NCAM2: variants seen among roughly 807,000 people sequenced by gnomAD.
The protein encoded by NCAM2 is N-CAM-2.
Under a neutral mutation model 98.1 loss-of-function variants are expected in NCAM2, and 30 were observed. The observed-to-expected ratio is 0.31, with a 90% CI of 0.23 to 0.41. The LOEUF is 0.41. NCAM2 is among the 10% of genes least tolerant of loss of function. The pLI, the probability that NCAM2 is intolerant of heterozygous loss-of-function variation, is 1.00. For synonymous variants in NCAM2, 368 were observed against 342.4 expected (o/e 1.07, Z -0.83); for missense variants, 867 against 1,005.8 (o/e 0.86, Z 1.87).
chr21:21,347,362 T>C (rs925434344), intron 8 of NCAM2, among the ~76,000 whole-genome samples: 1 of 152,044 alleles, frequency 6.6e-6, no homozygotes, highest in Middle Eastern at 3.4e-3. Flanking sequence ...TAGCCAAAGC[T>C]GTCCTAAGCA....
In NCAM2 at chr21:21,111,861, C is replaced by T. The variant is rs143675811; in HGVS notation, c.55+113243C>T. On this transcript the variant is annotated intron_variant, in intron 1 of 17. Coordinates refer to ENST00000400546, the MANE Select transcript of NCAM2 (RefSeq NM_004540.5). ...AGCTCAAATGGACAAGGGAGAATTT[C>T]TATCCTCTCATTGGTCTGTGAATTT... 1.5e-3 allele frequency among the ~76,000 whole-genome samples: 230 copies of T among 152,146 alleles called. 1 individual carries two copies. In the South Asian group the frequency reaches 0.02, roughly 13 times the overall value.
At position 21,022,302 on chromosome 21, in the gene NCAM2, A is replaced by C. The variant is rs148474811; in HGVS notation, c.55+23684A>C. ...TTATTGGAAACTTAATGAAGAATAT[A>C]TACAACACTTTCCTTCTCAATACTT... On this transcript the variant is annotated intron_variant, in intron 1 of 17. Transcript: ENST00000400546. Among the ~76,000 whole-genome samples the C allele has an allele frequency of 3.0e-3, 461 of 152,248 alleles. 1 individual carries two copies. The highest frequency in any genetic ancestry group is 0.011 in the African/African-American group (442 of 41,588).
chr21:21,203,574 G>C (rs530343236), intron 1 of NCAM2, among the ~76,000 whole-genome samples: 2 of 152,222 alleles, frequency 1.3e-5, no homozygotes, highest in South Asian at 2.1e-4. Flanking sequence ...TACAAATTTT[G>C]TATCATTCAT....
At chr21:21,462,181 A>G (rs1372498614) in intron 12 of NCAM2, among the ~76,000 whole-genome samples, 3 of 151,996 alleles carry the variant, frequency 2.0e-5, no homozygotes, top group African/African-American at 7.2e-5. Context: ...GTAATTTCTC[A>G]TAGCTCTCTG....
rs969770957 is a variant in NCAM2 at position 21,213,403 on chromosome 21, A to T, written c.56-67175A>T. ...TTCCCAATATTAAACAGATTTATGA[A>T]TAGCATAATATTGTTAAGTTATTTA... is the stretch of plus-strand genomic sequence containing the variant. On this transcript the variant is annotated intron_variant, in intron 1 of 17. Coordinates refer to ENST00000400546, the MANE Select transcript of NCAM2 (RefSeq NM_004540.5). Among the ~76,000 whole-genome samples the T allele has an allele frequency of 4.6e-5, 7 of 152,298 alleles. No homozygotes were observed. The East Asian group carries it at 1.4e-3, about 29-fold the overall frequency.
At chr21:21,093,731 C>T (rs950256608) in intron 1 of NCAM2, among the ~76,000 whole-genome samples, 16 of 151,910 alleles carry the variant, frequency 1.1e-4, no homozygotes, top group Non-Finnish European at 1.9e-4. Context: ...AACAGTAATT[C>T]CCTTGATGTT....
At chr21:21,153,699 T>C (rs1279581737) in intron 1 of NCAM2, among the ~76,000 whole-genome samples, 1 of 151,900 alleles carries the variant, frequency 6.6e-6, no homozygotes, top group Non-Finnish European at 1.5e-5. Context: ...TGAAAACATA[T>C]AAGTGAATGT....
chr21:21,114,392 T>C (rs2066512559), intron 1 of NCAM2, among the ~76,000 whole-genome samples: 1 of 152,222 alleles, frequency 6.6e-6, no homozygotes, highest in African/African-American at 2.4e-5. Flanking sequence ...TTTAAAAATA[T>C]CATTTGTAAA....
intron 16 of NCAM2, among the ~76,000 whole-genome samples, chr21:21,511,513 G>A (rs1035409445): frequency 2.6e-5 from 4 of 151,754 alleles, no homozygotes; most frequent in African/African-American, 7.3e-5. Context: ...GGACACTTAG[G>A]TCAATTCCAG....
intron 1 of NCAM2, among the ~76,000 whole-genome samples, chr21:21,121,019 G>A (rs1414192589): frequency 1.3e-5 from 2 of 152,044 alleles, no homozygotes; most frequent in Admixed American, 1.3e-4. Context: ...CCCGGCCATG[G>A]ATGTTTATTT....
chr21:20,999,364 AT>A (rs2063978053), intron 1 of NCAM2, among the ~76,000 whole-genome samples: 1 of 152,020 alleles, frequency 6.6e-6, no homozygotes, highest in Non-Finnish European at 1.5e-5. Context: ...AAAAAAAAAA[AT>A]GAATAGCCTG....
intron 1 of NCAM2, among the ~76,000 whole-genome samples, chr21:21,166,740 A>G (rs2067964604): frequency 1.3e-5 from 2 of 152,152 alleles, no homozygotes; most frequent in Admixed American, 1.3e-4. Flanking sequence ...GTGTGACCAC[A>G]TTGTTACGCA....
intron 11 of NCAM2, among the ~76,000 whole-genome samples, chr21:21,419,214 G>C (rs2077057323): frequency 6.6e-6 from 1 of 150,526 alleles, no homozygotes; most frequent in Non-Finnish European, 1.5e-5. Context: ...CAGTGAGCAT[G>C]TACAATGTAT....
chr21:21,351,889 G>A (rs1277814727), intron 8 of NCAM2, among the ~76,000 whole-genome samples: 1 of 152,072 alleles, frequency 6.6e-6, no homozygotes, highest in Non-Finnish European at 1.5e-5. Context: ...TAGGATTACA[G>A]GCACACGCCA....
chr21:21,203,512 G>A (rs1226762498), intron 1 of NCAM2, among the ~76,000 whole-genome samples: 1 of 152,172 alleles, frequency 6.6e-6, no homozygotes, highest in Non-Finnish European at 1.5e-5. Flanking sequence ...GTCAGGGTGA[G>A]TGAATTTAGA....
intron 14 of NCAM2, among the ~76,000 whole-genome samples, chr21:21,476,580 G>A (rs1183485279): frequency 6.6e-6 from 1 of 151,914 alleles, no homozygotes; most frequent in Non-Finnish European, 1.5e-5. Flanking sequence ...TATTTCATTA[G>A]TAATTGTAGT....
At chr21:21,503,295 A>G (rs957912928) in intron 15 of NCAM2, among the ~76,000 whole-genome samples, 1 of 151,870 alleles carries the variant, frequency 6.6e-6, no homozygotes, top group Non-Finnish European at 1.5e-5. Flanking sequence ...AATTACAACA[A>G]TTTTCCAGCA....
intron 10 of NCAM2, among the ~76,000 whole-genome samples, chr21:21,415,631 G>A (rs62207441): frequency 0.072 from 10,947 of 152,134 alleles, 433 homozygotes; most frequent in East Asian, 0.15. Context: ...CACCTCGCCC[G>A]GCCCTTAGCT....
intron 9 of NCAM2, among the ~76,000 whole-genome samples, chr21:21,399,468 T>A (rs576653580): frequency 5.3e-4 from 81 of 152,342 alleles, no homozygotes; most frequent in African/African-American, 1.8e-3. Flanking sequence ...CACTCTAGTA[T>A]GTGAATGCTT....
Sources: allele counts gnomAD v4.1 joint callset (sites outside exome capture counted in the v4.1 genomes callset), GRCh38; gene constraint gnomAD v4.1.1; transcripts MANE v1.5; gene names NCBI Gene and HGNC (gene_info 2026-07-23, HGNC 2026-07-21).